The following NCOA3 variants were observed in gnomAD, a reference collection of about 807,000 sequenced individuals.
NCOA3 encodes the protein nuclear receptor coactivator 3, also known as CBP-interacting protein.
In NCOA3, 51 loss-of-function variants were observed where a neutral mutation model predicts 158.8. The ratio of observed to expected loss-of-function variants is 0.32; its 90% confidence interval spans 0.26 to 0.41. The LOEUF (loss-of-function observed/expected upper bound fraction) is 0.41. Among genes scored for constraint, NCOA3 ranks in the 10% least tolerant of loss-of-function variants. NCOA3 has a pLI of 1.00. For synonymous variants in NCOA3, 537 were observed against 592.4 expected (o/e 0.91, Z 1.36); for missense variants, 1,510 against 1,746.6 (o/e 0.86, Z 2.41).
chr20:47,647,373 A>G lies in NCOA3; in HGVS notation c.3546+7A>G, dbSNP rs1348910959. On this transcript the variant is annotated splice_region_variant and intron_variant, in intron 18 of 22. Transcript: ENST00000371998. The stretch of plus-strand genomic sequence containing the variant: ...GAGGCTGCAGGGCCAGCAGGTAACC[A>G]GTCATGTGTTCTTCCCTCTGGCTTC... 2 of 1,611,972 alleles carry G rather than the reference A, an allele frequency of 1.2e-6. No individual in the cohort carries two copies.
intron 8 of NCOA3, chr20:47,628,778 AAAATT>A (rs1280473827): frequency 6.6e-6 from 1 of 152,198 alleles, no homozygotes. Context: ...ATAGAAATAA[AAAATT>A]AAAGACATCG....
intron 18 of NCOA3, among the ~76,000 whole-genome samples, chr20:47,648,256 T>C (rs781601577): frequency 3.8e-4 from 58 of 152,182 alleles, no homozygotes; most frequent in Non-Finnish European, 7.4e-4. Context: ...GCATAAATAT[T>C]GTTAAAAGTC....
chr20:47,572,138 G>A (rs2085304139), intron 1 of NCOA3, among the ~76,000 whole-genome samples: 1 of 152,178 alleles, frequency 6.6e-6, no homozygotes, highest in Non-Finnish European at 1.5e-5. Context: ...GAATTGAAGA[G>A]AGTTATGGTC....
rs1349873682 is a variant in NCOA3 at position 47,636,545 on chromosome 20, A to G, written c.2159A>G (p.Asn720Ser). Residue 720 changes from asparagine to serine, a missense_variant, in exon 12 of 23, where the codon AAT becomes AGT. Physicochemically the swap from Asn to Ser is conservative, Grantham distance 46 (BLOSUM62 1). Around this residue, in one of 4 missense-constraint regions of NCOA3, gnomAD observed 1,017 missense variants for 1,098.3 expected, o/e 0.93. Transcript: ENST00000371998. Reference protein sequence around the residue: ...TSSITSCGDGNVVKQEQLSPK... With the variant: ...TSSITSCGDGSVVKQEQLSPK... ...AGTATAACTTCTTGTGGGGACGGAA[A>G]TGTTGTCAAGCAGGAGCAGCTAAGT... 6.2e-7 allele frequency: 1 copy of G among 1,614,206 alleles called. No homozygotes were observed. Among genetic ancestry groups the G allele is most frequent in the East Asian group, 2.2e-5 (1 of 44,880 alleles).
chr20:47,618,509 C>G (rs2086181353), intron 2 of NCOA3, among the ~76,000 whole-genome samples: 1 of 152,000 alleles, frequency 6.6e-6, no homozygotes, highest in Admixed American at 6.6e-5. Context: ...CATGCACCAC[C>G]ACGTTTGGCT....
rs1261165594 is a variant in NCOA3, at chr20:47,655,787, A to AT, written c.*2377dup. On this transcript the variant is annotated 3_prime_UTR_variant, in exon 23 of 23. Transcript: ENST00000371998. ...ATTATTAAAAACAAAAAAAAAATAA[A>AT]TTTTTTTGCAATCCTTTCCTCAGAC... 2.0e-5 allele frequency: 3 copies of AT among 152,390 alleles called. No homozygotes were observed. Among genetic ancestry groups the AT allele is most frequent in the African/African-American group, 4.8e-5 (2 of 41,370 alleles). The allele number at this position is 152,390 out of a possible 1,614,324, so 9.4% of individuals were successfully genotyped here. A position where few individuals can be genotyped will look rare whatever the true frequency, so the allele number is the denominator to read the frequency against.
At chr20:47,526,725 C>T (rs375826287) in intron 1 of NCOA3, among the ~76,000 whole-genome samples, 6 of 152,102 alleles carry the variant, frequency 3.9e-5, no homozygotes, top group Admixed American at 1.3e-4. Context: ...CGTCCAGCTT[C>T]GGCTCGGCAT....
intron 1 of NCOA3, among the ~76,000 whole-genome samples, chr20:47,503,399 T>C (rs1387524576): frequency 2.0e-5 from 3 of 152,234 alleles, no homozygotes; most frequent in African/African-American, 7.2e-5. Flanking sequence ...CCGAATGATA[T>C]CCAATTGGAA....
intron 1 of NCOA3, among the ~76,000 whole-genome samples, chr20:47,502,719 C>G (rs2083959453): frequency 9.3e-6 from 1 of 107,374 alleles, no homozygotes; most frequent in Non-Finnish European, 2.0e-5. Context: ...TTTTTTTTTG[C>G]TCTCCCCATC....
Position 47,636,266 on chromosome 20 carries a change from GTTC to G in NCOA3, c.1885_1887del (p.Ser629del). The G allele has an allele frequency of 1.2e-6, 2 of 1,614,140 alleles. No homozygotes were observed. The highest frequency in any genetic ancestry group is 8.5e-7 in the Non-Finnish European group (1 of 1,180,024). On this transcript the variant is annotated inframe_deletion, in exon 12 of 23. Coordinates refer to ENST00000371998, the MANE Select transcript of NCOA3 (RefSeq NM_181659.3). Reference sequence around the variant, plus strand: ...AAAAAATTACTGCAGTTACTTACCTGTTCTTCTGATGACCGGGGTCATTCCTCC... The same window carrying G: ...AAAAAATTACTGCAGTTACTTACCTGTTCTGATGACCGGGGTCATTCCTCC...
At chr20:47,517,188 A>C (rs1035411212) in intron 1 of NCOA3, among the ~76,000 whole-genome samples, 1 of 152,332 alleles carries the variant, frequency 6.6e-6, no homozygotes, top group East Asian at 1.9e-4. Flanking sequence ...ACTGCACTCC[A>C]GCCTGGGTGA....
rs1414231945 is a variant in NCOA3 at position 47,656,623 on chromosome 20, CCTTT to C, written c.*3209_*3212del. On this transcript the variant is annotated 3_prime_UTR_variant, in exon 23 of 23. Coordinates refer to ENST00000371998, the MANE Select transcript of NCOA3 (RefSeq NM_181659.3). ...AAACGAGCAGGGTGTTTTCTCTCTT[CCTTT>C]CTAATATATGGAGTTTCGAAGAATA... 3.3e-5 allele frequency: 5 copies of C among 152,550 alleles called. No individual in the cohort carries two copies. Among genetic ancestry groups the C allele is most frequent in the Non-Finnish European group, 5.9e-5 (4 of 68,034 alleles). The allele number at this position is 152,550 out of a possible 1,614,324, so 9.4% of individuals were successfully genotyped here. A position where few individuals can be genotyped will look rare whatever the true frequency, so the allele number is the denominator to read the frequency against.
At chr20:47,519,644 G>A (rs1230718038) in intron 1 of NCOA3, among the ~76,000 whole-genome samples, 1 of 151,022 alleles carries the variant, frequency 6.6e-6, no homozygotes, top group Non-Finnish European at 1.5e-5. Context: ...TAAGAAATTT[G>A]GAGCCAGGCA....
At chr20:47,637,823 G>A in intron 13 of NCOA3, 40 bp downstream of exon 13, 1 of 1,540,524 alleles carries the variant, frequency 6.5e-7, no homozygotes, top group East Asian at 2.3e-5. Flanking sequence ...TGCTGCCTTT[G>A]AAACTTTTCT....
At position 47,636,668 on chromosome 20, in the gene NCOA3, G is replaced by A. The variant is rs2086521767; in HGVS notation, c.2282G>A (p.Gly761Glu). 3 of 1,614,190 alleles carry A rather than the reference G, an allele frequency of 1.9e-6. No individual in the cohort carries two copies. Among genetic ancestry groups the A allele is most frequent in the Non-Finnish European group, 1.7e-6 (2 of 1,180,022 alleles). The part of the protein sequence containing the change: ...LSKELQPQVE[G>E]VDNKMSQCTS... Reference sequence around the variant, plus strand: ...AAAGAACTACAGCCCCAAGTGGAAGGAGTGGATAATAAAATGAGTCAGTGC... The same window carrying A: ...AAAGAACTACAGCCCCAAGTGGAAGAAGTGGATAATAAAATGAGTCAGTGC... Residue 761 changes from glycine to glutamate, a missense_variant, in exon 12 of 23, where the codon GGA (glycine) becomes GAA (glutamate). Transcript: ENST00000371998.
At chr20:47,533,038 G>A (rs1237439869) in intron 1 of NCOA3, among the ~76,000 whole-genome samples, 1 of 148,878 alleles carries the variant, frequency 6.7e-6, no homozygotes, top group East Asian at 2.0e-4. Context: ...CTGGGAGACG[G>A]AGGTTGCAGT....
intron 17 of NCOA3, among the ~76,000 whole-genome samples, chr20:47,643,304 T>C (rs1392980641): frequency 6.6e-6 from 1 of 152,176 alleles, no homozygotes; most frequent in Non-Finnish European, 1.5e-5. Context: ...GGGCTGTCAG[T>C]TGTTGTTGGG....
At chr20:47,529,411 G>A (rs961918950) in intron 1 of NCOA3, among the ~76,000 whole-genome samples, 1 of 151,774 alleles carries the variant, frequency 6.6e-6, no homozygotes, top group African/African-American at 2.4e-5. Flanking sequence ...GAGCCGCCGT[G>A]CCCAGCATCT....
chr20:47,618,634 A>G lies in NCOA3; in HGVS notation c.-19-3595A>G, dbSNP rs556443337. On this transcript the variant is annotated intron_variant, in intron 2 of 22. Coordinates refer to ENST00000371998, the MANE Select transcript of NCOA3 (RefSeq NM_181659.3). ...CTCCCAAAGTGCTGGGATTACATGCATGAGGCACCACACCCGGCCTTCCCT... is the reference window on the plus strand; with the variant it reads ...CTCCCAAAGTGCTGGGATTACATGCGTGAGGCACCACACCCGGCCTTCCCT... Among the ~76,000 whole-genome samples, 4 of 152,292 alleles carry G rather than the reference A, an allele frequency of 2.6e-5. No homozygotes were observed. The East Asian group carries it at 7.7e-4, about 29-fold the overall frequency.
Sources: gnomAD v4.1 joint callset for allele counts (sites outside exome capture counted in the v4.1 genomes callset) on GRCh38, gnomAD v4.1.1 for gene constraint, gnomAD v4.1.1 regional missense constraint, MANE v1.5 for transcripts, NCBI Gene and HGNC (gene_info 2026-07-23, HGNC 2026-07-21) for gene names.